Variants in ADGRE1 observed in about 807,000 individuals in gnomAD.
The protein encoded by ADGRE1 is EGF-like module receptor 1.
ADGRE1 carries 82 observed loss-of-function variants against 102.7 expected under a neutral mutation model. That is an observed-to-expected ratio of 0.80 (90% CI 0.67 to 0.96). The LOEUF (loss-of-function observed/expected upper bound fraction) is 0.96. ADGRE1 is among the 40% of genes least tolerant of loss of function. ADGRE1 has a pLI of 0.00. For synonymous variants in ADGRE1, 398 were observed against 399.6 expected, an observed-to-expected ratio of 1.00 and a Z score of 0.05; for missense variants, 1,032 against 1,085.3, an observed-to-expected ratio of 0.95 and a Z score of 0.69.
rs2290634 is a variant in ADGRE1 at position 6,924,661 on chromosome 19, A to G, written c.1792-17A>G. 0.45 allele frequency: 728,533 copies of G among 1,606,026 alleles called. 174,314 individuals carry two copies. The highest frequency in any genetic ancestry group is 0.84 in the African/African-American group (63,226 of 74,874). The stretch of plus-strand genomic sequence containing the variant: ...TGATCCCATTCTCAGGCCAACTCTG[A>G]AATTCCTTCCTGACAGATGGACTTT... On this transcript the variant is annotated splice_polypyrimidine_tract_variant and intron_variant, in intron 14 of 20. Transcript: ENST00000312053.
intron 20 of ADGRE1, among the ~76,000 whole-genome samples, chr19:6,939,253 T>G (rs1975570789): frequency 6.6e-6 from 1 of 152,148 alleles, no homozygotes. Flanking sequence ...TTTACTATAG[T>G]TTTAATGAAA....
chr19:6,908,831 G>T, intron 10 of ADGRE1, 59 bp downstream of exon 10: 1 of 1,517,474 alleles, frequency 6.6e-7, no homozygotes, highest in Non-Finnish European at 9.0e-7. Flanking sequence ...GCACACTTTG[G>T]GTGCAGAAAG....
chr19:6,931,720 C>T (rs530726703), intron 17 of ADGRE1, among the ~76,000 whole-genome samples: 1 of 151,992 alleles, frequency 6.6e-6, no homozygotes, highest in South Asian at 2.1e-4. Context: ...ATAACTTGAC[C>T]CCTGGAGGGA....
intron 2 of ADGRE1, among the ~76,000 whole-genome samples, 174 bp downstream of exon 2, chr19:6,890,717 C>CTTAGAATT (rs1973337215): frequency 6.6e-6 from 1 of 152,136 alleles, no homozygotes; most frequent in Admixed American, 6.5e-5. Context: ...TTCCTTTGTG[C>CTTAGAATT]TTAGAATTGC....
intron 3 of ADGRE1, 88 bp downstream of exon 3, chr19:6,896,629 C>T (rs1973560954): frequency 2.4e-5 from 35 of 1,438,796 alleles, no homozygotes; most frequent in Non-Finnish European, 3.1e-5. Flanking sequence ...TACTCCCCCA[C>T]CCCCCATTTT....
At chr19:6,910,382 G>A (rs941776143) in intron 10 of ADGRE1, among the ~76,000 whole-genome samples, 4 of 151,924 alleles carry the variant, frequency 2.6e-5, no homozygotes, top group Non-Finnish European at 2.9e-5. Flanking sequence ...GGTCCTGAGC[G>A]ACTCATAAAT....
rs139950723 is a variant in ADGRE1, at chr19:6,896,471, C to T, written c.168C>T (p.Cys56=). ...TCTNTVDSYY[C]ACKQGFLSSN... ...CCAATACAGTGGACAGTTACTATTG[C>T]GCTTGCAAACAAGGCTTCCTGTCCA... Residue 56 remains cysteine (C), a synonymous_variant, in exon 3 of 21, where the codon TGC becomes TGT. Transcript: ENST00000312053. 4.2e-4 allele frequency: 684 copies of T among 1,614,106 alleles called. 2 individuals carry two copies. Among genetic ancestry groups the T allele is most frequent in the South Asian group, 3.7e-3 (335 of 91,078 alleles).
intron 2 of ADGRE1, chr19:6,896,189 C>T: frequency 5.7e-6 from 3 of 521,790 alleles, no homozygotes; most frequent in South Asian, 5.5e-5. Flanking sequence ...ACTACTTCAT[C>T]TTAACTTTTA....
In ADGRE1 at chr19:6,926,600, C is replaced by G. The variant is rs149410886; in HGVS notation, c.2221C>G (p.Arg741Gly). 6.2e-7 allele frequency: 1 copy of G among 1,614,018 alleles called. No homozygotes were observed. The highest frequency in any genetic ancestry group is 1.1e-5 in the South Asian group (1 of 91,052). ...GCCACAGGGCTATGGAATGCATAATCGGTGAGTGACATCCTCTCTCTTCCT... is the reference window on the plus strand; with the variant it reads ...GCCACAGGGCTATGGAATGCATAATGGGTGAGTGACATCCTCTCTCTTCCT... ...VQPQGYGMHN[R>G]CWLNTETGFI... The change falls in exon 16 of 21, where the codon CGC becomes GGC. Residue 741 changes from arginine to glycine, a missense_variant and splice_region_variant. Physicochemically the swap from Arg to Gly is moderately radical, Grantham distance 125. Coordinates refer to ENST00000312053, the MANE Select transcript of ADGRE1 (RefSeq NM_001974.5).
Position 6,890,523 on chromosome 19 carries a change from C to A in ADGRE1, c.74C>A (p.Thr25Lys). ...MHSWEGHIRP[T>K]RKPNTKGNNC... ...AGCTGGGAAGGGCACATAAGACCCA[C>A]ACGGAAACCAAACACAAAGGGTAAG... Residue 25 changes from threonine (T) to lysine (K), a missense_variant, in exon 2 of 21, where the codon ACA becomes AAA. By Grantham distance (78) the Thr-to-Lys change is moderately conservative. Transcript: ENST00000312053. 6.2e-7 allele frequency: 1 copy of A among 1,607,522 alleles called. No homozygotes were observed. The highest frequency in any genetic ancestry group is 8.5e-7 in the Non-Finnish European group (1 of 1,177,276).
intron 20 of ADGRE1, among the ~76,000 whole-genome samples, chr19:6,938,422 A>G (rs1157961615): frequency 6.6e-6 from 1 of 152,178 alleles, no homozygotes; most frequent in Non-Finnish European, 1.5e-5. Flanking sequence ...ACATTTATAT[A>G]TGTAGATTTT....
At chr19:6,935,738 C>T (rs1053160549) in intron 18 of ADGRE1, among the ~76,000 whole-genome samples, 1 of 152,166 alleles carries the variant, frequency 6.6e-6, no homozygotes, top group African/African-American at 2.4e-5. Flanking sequence ...TACCCAAATC[C>T]AACTGCCTGA....
intron 9 of ADGRE1, 25 bp downstream of exon 9, chr19:6,906,546 T>C (rs1211014318): frequency 1.9e-6 from 3 of 1,600,728 alleles, no homozygotes; most frequent in South Asian, 2.2e-5. Flanking sequence ...AGGTTCCTAG[T>C]TTTTGAGGTT....
chr19:6,924,426 A>G (rs1392810276), intron 14 of ADGRE1, among the ~76,000 whole-genome samples: 1 of 152,074 alleles, frequency 6.6e-6, no homozygotes, highest in African/African-American at 2.4e-5. Context: ...ATTCTGGGAG[A>G]TGTAGTTTGT....
chr19:6,901,543 C>A (rs1451206597), intron 5 of ADGRE1, among the ~76,000 whole-genome samples: 2 of 152,228 alleles, frequency 1.3e-5, no homozygotes, highest in African/African-American at 4.8e-5. Context: ...AAAGTCACAT[C>A]TCTTACAATC....
intron 17 of ADGRE1, 159 bp downstream of exon 17, chr19:6,928,370 A>T: frequency 6.7e-7 from 1 of 1,489,766 alleles, no homozygotes. Flanking sequence ...TCACGCCTGT[A>T]ATCCCAGCAC....
intron 1 of ADGRE1, among the ~76,000 whole-genome samples, chr19:6,890,160 C>G (rs955741548): frequency 2.0e-5 from 3 of 152,126 alleles, no homozygotes; most frequent in Admixed American, 6.5e-5. Context: ...AAGTGATCCT[C>G]CCACCTTGGC....
At chr19:6,939,994 A>G in intron 20 of ADGRE1, 30 bp from the exon 21 acceptor site, 1 of 1,613,340 alleles carries the variant, frequency 6.2e-7, no homozygotes, top group Non-Finnish European at 8.5e-7. Context: ...TCTGCTGCAG[A>G]CTCTGAGGAA....
At chr19:6,925,874 T>G (rs1460036757) in intron 15 of ADGRE1, among the ~76,000 whole-genome samples, 5 of 151,866 alleles carry the variant, frequency 3.3e-5, no homozygotes, top group African/African-American at 1.2e-4. Context: ...TTTTGTATTT[T>G]TGTATAGAGA....
Sources: gnomAD v4.1 joint callset for allele counts (sites outside exome capture counted in the v4.1 genomes callset) on GRCh38, gnomAD v4.1.1 for gene constraint, MANE v1.5 for transcripts, NCBI Gene and HGNC (gene_info 2026-07-23, HGNC 2026-07-21) for gene names.